The following VPS13C variants were observed in gnomAD, a reference collection of about 807,000 sequenced individuals.
VPS13C encodes the protein intermembrane lipid transfer protein VPS13C.
Under a neutral mutation model 456.8 loss-of-function variants are expected in VPS13C, and 358 were observed. That is an observed-to-expected ratio of 0.78 (90% CI 0.72 to 0.86). The LOEUF is 0.86. Among genes scored for constraint, VPS13C ranks in the 40% least tolerant of loss-of-function variants. VPS13C has a pLI of 0.00. For synonymous variants in VPS13C, 1,578 were observed against 1,486.7 expected (o/e 1.06, Z -1.41); for missense variants, 4,818 against 4,385.4 (o/e 1.10, Z -2.79).
intron 38 of VPS13C, among the ~76,000 whole-genome samples, chr15:61,952,435 G>T (rs952055558): frequency 4.6e-5 from 7 of 152,112 alleles, no homozygotes; most frequent in African/African-American, 1.7e-4. Flanking sequence ...CCCAATCATT[G>T]TCCTAAGGGA....
intron 25 of VPS13C, among the ~76,000 whole-genome samples, chr15:61,973,876 G>A (rs2045627227): frequency 6.6e-6 from 1 of 152,110 alleles, no homozygotes; most frequent in Non-Finnish European, 1.5e-5. Context: ...GTATCATCAT[G>A]AGCTGGCTTT....
intron 6 of VPS13C, among the ~76,000 whole-genome samples, chr15:62,026,997 A>G (rs1283036707): frequency 6.6e-6 from 1 of 152,076 alleles, no homozygotes; most frequent in African/African-American, 2.4e-5. Context: ...TAAAAGGAAA[A>G]ATCAAATAAT....
chr15:61,904,590 T>C (rs1231477230), intron 66 of VPS13C, among the ~76,000 whole-genome samples: 2 of 150,982 alleles, frequency 1.3e-5, no homozygotes, highest in Non-Finnish European at 3.0e-5. Context: ...CAGTATGGAG[T>C]TTCCTCAAAA....
At chr15:61,889,876 C>T (rs923359444) in intron 67 of VPS13C, among the ~76,000 whole-genome samples, 1 of 150,876 alleles carries the variant, frequency 6.6e-6, no homozygotes, top group African/African-American at 2.4e-5. Context: ...ACTCATTAAA[C>T]ACACACACAC....
At chr15:61,898,542 A>G (rs1479460356) in intron 66 of VPS13C, among the ~76,000 whole-genome samples, 9 of 152,210 alleles carry the variant, frequency 5.9e-5, no homozygotes, top group South Asian at 2.1e-4. Context: ...CAATTCAACA[A>G]GAAGAGCTAA....
intron 61 of VPS13C, among the ~76,000 whole-genome samples, chr15:61,915,415 G>A (rs1341162550): frequency 6.6e-6 from 1 of 152,098 alleles, no homozygotes; most frequent in East Asian, 1.9e-4. Context: ...AAGAACAGAG[G>A]TAACTCTATA....
At position 62,008,678 on chromosome 15, in the gene VPS13C, T is replaced by C. The variant is rs1401645327; in HGVS notation, c.1095A>G (p.Pro365=). 1 of 1,606,302 alleles carries C rather than the reference T, an allele frequency of 6.2e-7. No homozygotes were observed. The highest frequency in any genetic ancestry group is 8.5e-7 in the Non-Finnish European group (1 of 1,176,142). ...APYRKYKPYL[P]LHTNGRRWWK... ...ACCATCGTCGACCATTGGTATGAAG[T>C]GGTAAATAAGGCTTGTATTTCCTAT... is the stretch of plus-strand genomic sequence containing the variant. Residue 365 remains proline, a synonymous_variant, in exon 14 of 85, where the codon CCA becomes CCG. Transcript: ENST00000644861.
intron 51 of VPS13C, among the ~76,000 whole-genome samples, chr15:61,928,638 G>A (rs938420672): frequency 6.6e-6 from 1 of 152,158 alleles, no homozygotes; most frequent in African/African-American, 2.4e-5. Context: ...ACAGCACTTG[G>A]GGAGGCAGAG....
At chr15:62,006,193 T>C (rs1017361446) in intron 15 of VPS13C, among the ~76,000 whole-genome samples, 53 of 152,040 alleles carry the variant, frequency 3.5e-4, no homozygotes, top group African/African-American at 1.3e-3. Context: ...CATGTTGGTG[T>C]GCTGCACCCA....
At chr15:61,876,878 TTAGA>T in intron 75 of VPS13C, 91 bp downstream of exon 75, 1 of 855,822 alleles carries the variant, frequency 1.2e-6, no homozygotes, top group Non-Finnish European at 1.7e-6. Context: ...GTGAGATAAA[TTAGA>T]TAAACATTAC....
intron 42 of VPS13C, among the ~76,000 whole-genome samples, chr15:61,949,034 C>A (rs1483494473): frequency 6.6e-6 from 1 of 152,090 alleles, no homozygotes; most frequent in East Asian, 1.9e-4. Flanking sequence ...CCTGCAGTGT[C>A]CCACTAAGCA....
At chr15:61,857,284 G>A (rs756118864) in intron 82 of VPS13C, among the ~76,000 whole-genome samples, 3 of 152,138 alleles carry the variant, frequency 2.0e-5, no homozygotes, top group African/African-American at 4.8e-5. Context: ...AGAGTGTGCA[G>A]ATTAGTCTTT....
At chr15:62,032,384 A>G (rs985982501) in intron 5 of VPS13C, among the ~76,000 whole-genome samples, 1 of 151,818 alleles carries the variant, frequency 6.6e-6, no homozygotes, top group Admixed American at 6.6e-5. Flanking sequence ...GGAAGACAAA[A>G]TATGCTCAAG....
chr15:61,876,426 A>T (rs1300722500), intron 75 of VPS13C, among the ~76,000 whole-genome samples: 1 of 152,032 alleles, frequency 6.6e-6, no homozygotes, highest in Non-Finnish European at 1.5e-5. Context: ...ACCAAAACAA[A>T]AAAAAGGGAA....
At chr15:62,027,380 A>T (rs1415394233) in intron 6 of VPS13C, among the ~76,000 whole-genome samples, 1 of 152,128 alleles carries the variant, frequency 6.6e-6, no homozygotes, top group Non-Finnish European at 1.5e-5. Context: ...AGCCATGAGT[A>T]TCTCCATGCT....
intron 28 of VPS13C, among the ~76,000 whole-genome samples, chr15:61,967,958 A>T (rs530970530): frequency 6.6e-6 from 1 of 152,068 alleles, no homozygotes; most frequent in East Asian, 1.9e-4. Flanking sequence ...ATCTTTTGTT[A>T]TTTGCAATTC....
chr15:61,940,926 C>T (rs2044399511), intron 46 of VPS13C, 132 bp from the exon 47 acceptor site: 2 of 862,392 alleles, frequency 2.3e-6, no homozygotes, highest in South Asian at 2.3e-5. Context: ...TTTTAGAATA[C>T]ACTTCTTTTC....
At position 61,959,430 on chromosome 15, in the gene VPS13C, C is replaced by T. The variant is rs2140312893; in HGVS notation, c.4056+18G>A. The T allele has an allele frequency of 1.3e-6, 2 of 1,540,514 alleles. No individual in the cohort carries two copies. Among genetic ancestry groups the T allele is most frequent in the African/African-American group, 1.4e-5 (1 of 72,690 alleles). Reference sequence around the variant, plus strand: ...TAAAATTTCAACAATGAAGTTTTTTCTTCACTCATATACTTACATTCATTG... The same window carrying T: ...TAAAATTTCAACAATGAAGTTTTTTTTTCACTCATATACTTACATTCATTG... On this transcript the variant is annotated intron_variant, in intron 36 of 84. Transcript: ENST00000644861.
chr15:62,022,060 A>G (rs972486034), intron 8 of VPS13C, among the ~76,000 whole-genome samples: 2 of 151,846 alleles, frequency 1.3e-5, no homozygotes, highest in East Asian at 1.9e-4. Flanking sequence ...CTGATGGGCA[A>G]TCTTCTCTAT....
Sources: gnomAD v4.1 joint callset for allele counts (sites outside exome capture counted in the v4.1 genomes callset) on GRCh38, gnomAD v4.1.1 for gene constraint, MANE v1.5 for transcripts, NCBI Gene and HGNC (gene_info 2026-07-23, HGNC 2026-07-21) for gene names.